The following MGAT5 variants were observed in gnomAD, a reference collection of about 807,000 sequenced individuals.
The protein encoded by MGAT5 is alpha-1,6-mannosylglycoprotein 6-beta-N-acetylglucosaminyltransferase A.
In MGAT5, 30 loss-of-function variants were observed where a neutral mutation model predicts 94.3. That is an observed-to-expected ratio of 0.32 (90% CI 0.24 to 0.43). The LOEUF is 0.43. Ranked by LOEUF, MGAT5 falls within the 20% of genes least tolerant of loss-of-function variation. The pLI is 1.00. For synonymous variants in MGAT5, 310 were observed against 322.9 expected (o/e 0.96, Z 0.43); for missense variants, 691 against 905.5 (o/e 0.76, Z 3.04).
intron 10 of MGAT5, among the ~76,000 whole-genome samples, chr2:134,398,654 A>G (rs1682852055): frequency 6.6e-6 from 1 of 152,228 alleles, no homozygotes; most frequent in South Asian, 2.1e-4. Context: ...CACTATTTAC[A>G]ATAGCCAAGA....
intron 10 of MGAT5, among the ~76,000 whole-genome samples, chr2:134,378,804 TG>T (rs1354970179): frequency 6.6e-6 from 1 of 151,980 alleles, no homozygotes; most frequent in Admixed American, 6.6e-5. Flanking sequence ...TTAATAGAGA[TG>T]GGGTTTTGCC....
At position 134,146,234 on chromosome 2, in the gene MGAT5, G is replaced by A. The variant is rs17762579; in HGVS notation, c.-143+25943G>A. ...CCCCATTGCATATATTAAGTAAAAG[G>A]AAATGAGTCTTGAGAACATTGAGAA... On this transcript the variant is annotated intron_variant, in intron 1 of 16. Coordinates refer to the MGAT5 transcript ENST00000409645. 3.2e-3 allele frequency among the ~76,000 whole-genome samples: 481 copies of A among 152,184 alleles called. 5 individuals carry two copies. The highest frequency in any genetic ancestry group is 0.011 in the African/African-American group (458 of 41,524).
In MGAT5 at chr2:134,362,211, T is replaced by C. The variant is rs1004479305; in HGVS notation, c.1247-64T>C. 48 of 1,570,252 alleles carry C rather than the reference T, an allele frequency of 3.1e-5. No homozygotes were observed. The African/African-American group carries it at 6.0e-4, about 19-fold the overall frequency. On this transcript the variant is annotated intron_variant, in intron 9 of 15. Transcript: ENST00000281923. Reference sequence around the variant, plus strand: ...TGGGTAAGATGGCCTGTGTTAAATATGTGATTGTTATTTCTTCTTGCTGAT... The same window carrying C: ...TGGGTAAGATGGCCTGTGTTAAATACGTGATTGTTATTTCTTCTTGCTGAT...
chr2:134,197,906 A>AT (rs1159789026), intron 1 of MGAT5, among the ~76,000 whole-genome samples: 11 of 152,070 alleles, frequency 7.2e-5, no homozygotes, highest in East Asian at 1.9e-4. Context: ...GGTTGGGTAG[A>AT]TTTTTTTCTA....
rs113246449 is a variant in MGAT5 at position 134,273,024 on chromosome 2, C to T, written c.406+2474C>T. ...GTGTGTGTGTCTGTGTGTGTGTGCGCGCGCGCGTGCGCGTGCATGCATGCA... is the reference window on the plus strand; with the variant it reads ...GTGTGTGTGTCTGTGTGTGTGTGCGTGCGCGCGTGCGCGTGCATGCATGCA... On this transcript the variant is annotated intron_variant, in intron 2 of 15. Coordinates refer to ENST00000281923, the MANE Select transcript of MGAT5 (RefSeq NM_002410.5). Among the ~76,000 whole-genome samples the T allele has an allele frequency of 7.0e-3, 1,045 of 148,822 alleles. 7 individuals are homozygous for T. Among genetic ancestry groups the T allele is most frequent in the South Asian group, 0.036 (169 of 4,692 alleles).
In MGAT5 at chr2:134,421,456, G is replaced by A. The variant is rs544178128; in HGVS notation, c.1678-1347G>A. 2.2e-4 allele frequency among the ~76,000 whole-genome samples: 33 copies of A among 151,968 alleles called. No individual in the cohort carries two copies. In the South Asian group the frequency reaches 4.6e-3, roughly 21 times the overall value. ...AAAACTTAGCCAGGCATGGTGGTGC[G>A]CACCTATAGTTCCAGCTACTCAGGA... On this transcript the variant is annotated intron_variant, in intron 12 of 15. Coordinates refer to ENST00000281923, the MANE Select transcript of MGAT5 (RefSeq NM_002410.5).
chr2:134,202,694 A>G (rs946885215), intron 1 of MGAT5, among the ~76,000 whole-genome samples: 1 of 152,220 alleles, frequency 6.6e-6, no homozygotes, highest in Non-Finnish European at 1.5e-5. Context: ...GTGTCTTCAG[A>G]GCATGTTTTA....
intron 1 of MGAT5, among the ~76,000 whole-genome samples, chr2:134,130,397 C>T (rs535696541): frequency 1.3e-5 from 2 of 152,198 alleles, no homozygotes; most frequent in African/African-American, 4.8e-5. Context: ...GGAATGCAGG[C>T]GCGGGGCGTG....
intron 1 of MGAT5, among the ~76,000 whole-genome samples, chr2:134,245,792 A>G (rs1322769757): frequency 3.9e-5 from 6 of 152,270 alleles, no homozygotes; most frequent in Non-Finnish European, 8.8e-5. Context: ...GCCCTGTTAC[A>G]GTGTTTGGAA....
At chr2:134,409,465 C>T (rs1243622294) in intron 11 of MGAT5, among the ~76,000 whole-genome samples, 1 of 152,212 alleles carries the variant, frequency 6.6e-6, no homozygotes, top group East Asian at 1.9e-4. Flanking sequence ...AATCTGTCTC[C>T]AGAACCTGCG....
chr2:134,151,969 G>T (rs1238800624), intron 1 of MGAT5, among the ~76,000 whole-genome samples: 1 of 133,994 alleles, frequency 7.5e-6, no homozygotes. Context: ...CAAGCCCTAT[G>T]GGACCCGCCC....
chr2:134,382,187 T>A (rs1203371101), intron 10 of MGAT5, among the ~76,000 whole-genome samples: 1 of 151,712 alleles, frequency 6.6e-6, no homozygotes, highest in Non-Finnish European at 1.5e-5. Flanking sequence ...GCCAGGAGTT[T>A]GAGGCTGTAG....
intron 2 of MGAT5, among the ~76,000 whole-genome samples, chr2:134,296,039 G>C (rs1224145391): frequency 1.3e-5 from 2 of 152,138 alleles, no homozygotes; most frequent in East Asian, 3.8e-4. Flanking sequence ...AAACATGTTT[G>C]TTCTTATTTG....
At position 134,230,657 on chromosome 2, in the gene MGAT5, G is replaced by A. The variant is rs75001583; in HGVS notation, c.-142-23605G>A. On this transcript the variant is annotated intron_variant, in intron 1 of 16. Transcript: ENST00000409645. The stretch of plus-strand genomic sequence containing the variant: ...AAAAAATTGTTAAAGAGACAAATAA[G>A]TGTTGGCAAGAATATGGTGAAATTG... Among the ~76,000 whole-genome samples the A allele has an allele frequency of 3.4e-3, 512 of 152,332 alleles. 4 individuals are homozygous for A. The highest frequency in any genetic ancestry group is 0.012 in the African/African-American group (498 of 41,564).
chr2:134,198,941 G>A (rs1679633576), intron 1 of MGAT5, among the ~76,000 whole-genome samples: 1 of 152,216 alleles, frequency 6.6e-6, no homozygotes, highest in East Asian at 1.9e-4. Context: ...TGAATGAATG[G>A]TATTTGTGTG....
chr2:134,192,848 G>A (rs1292052989), intron 1 of MGAT5, among the ~76,000 whole-genome samples: 1 of 151,896 alleles, frequency 6.6e-6, no homozygotes. Flanking sequence ...CTGTAAGAAA[G>A]CAAGCATAAA....
At chr2:134,193,774 T>A (rs1679357755) in intron 1 of MGAT5, among the ~76,000 whole-genome samples, 1 of 151,418 alleles carries the variant, frequency 6.6e-6, no homozygotes, top group South Asian at 2.1e-4. Flanking sequence ...GCTGGGAGAG[T>A]GTTTTAATCA....
intron 10 of MGAT5, among the ~76,000 whole-genome samples, chr2:134,391,733 T>C (rs149327626): frequency 4.6e-5 from 7 of 152,314 alleles, no homozygotes; most frequent in Middle Eastern, 3.4e-3. Context: ...TCTGTAACAA[T>C]CCTGGACGTG....
chr2:134,370,621 G>T (rs1680726597), intron 10 of MGAT5, among the ~76,000 whole-genome samples: 1 of 152,250 alleles, frequency 6.6e-6, no homozygotes, highest in Admixed American at 6.5e-5. Flanking sequence ...AGTGGAGATG[G>T]TGAGCCCCCA....
Sources: gnomAD v4.1 joint callset for allele counts (sites outside exome capture counted in the v4.1 genomes callset) on GRCh38, gnomAD v4.1.1 for gene constraint, MANE v1.5 for transcripts, NCBI Gene and HGNC (gene_info 2026-07-23, HGNC 2026-07-21) for gene names.